TAFA5: variants seen among roughly 807,000 people sequenced by gnomAD.
The protein encoded by TAFA5 is chemokine-like protein TAFA-5.
In TAFA5, 6 loss-of-function variants were observed where a neutral mutation model predicts 15.3. The ratio of observed to expected loss-of-function variants is 0.39; its 90% confidence interval spans 0.21 to 0.77. The LOEUF (loss-of-function observed/expected upper bound fraction) is 0.77. Among genes scored for constraint, TAFA5 ranks in the 30% least tolerant of loss-of-function variants. TAFA5 has a pLI of 0.41. For synonymous variants in TAFA5, 103 were observed against 80.7 expected (o/e 1.28, Z -1.48); for missense variants, 161 against 193.1 (o/e 0.83, Z 0.98).
chr22:48,590,992 C>T (rs1353095939), intron 1 of TAFA5, among the ~76,000 whole-genome samples: 3 of 152,156 alleles, frequency 2.0e-5, no homozygotes, highest in Non-Finnish European at 4.4e-5. Flanking sequence ...GCTGGGATTA[C>T]AGGCGCCCAT....
intron 1 of TAFA5, among the ~76,000 whole-genome samples, chr22:48,591,808 C>T (rs974604667): frequency 6.6e-6 from 1 of 152,162 alleles, no homozygotes; most frequent in Non-Finnish European, 1.5e-5. Flanking sequence ...ACTGGGCTCG[C>T]GGAAGCCCAC....
chr22:48,671,450 C>T (rs1017690243), intron 2 of TAFA5, among the ~76,000 whole-genome samples: 6 of 152,310 alleles, frequency 3.9e-5, no homozygotes, highest in African/African-American at 1.4e-4. Context: ...GCCTGGGGTA[C>T]GTTCCACTCT....
rs182240004 is a variant in TAFA5, at chr22:48,498,405, C to G, written c.112+8701C>G. On this transcript the variant is annotated intron_variant, in intron 1 of 3. Transcript: ENST00000402357. The stretch of plus-strand genomic sequence containing the variant: ...TAAGTCTCCTGGATTCCAAAGATAT[C>G]TTTGGTTCTAACAGTTTGATTAATA... Among the ~76,000 whole-genome samples the G allele has an allele frequency of 5.7e-3, 871 of 152,162 alleles. 2 individuals carry two copies. Among genetic ancestry groups the G allele is most frequent in the Admixed American group, 9.8e-3 (150 of 15,298 alleles).
At chr22:48,554,455 T>G (rs1922960815) in intron 1 of TAFA5, among the ~76,000 whole-genome samples, 1 of 152,198 alleles carries the variant, frequency 6.6e-6, no homozygotes, top group African/African-American at 2.4e-5. Context: ...GTTCCCAACA[T>G]ATTACATTTT....
intron 1 of TAFA5, among the ~76,000 whole-genome samples, chr22:48,583,005 ACAAAATACACCACACACCACATG>A (rs1924141722): frequency 2.7e-5 from 4 of 149,306 alleles, no homozygotes; most frequent in Admixed American, 1.3e-4. Context: ...TAAACCACAC[ACAAAATACACCACACACCACATG>A]CAAAATACAC....
chr22:48,705,791 GCA>G (rs1402754094), intron 2 of TAFA5, among the ~76,000 whole-genome samples: 1 of 152,260 alleles, frequency 6.6e-6, no homozygotes, highest in African/African-American at 2.4e-5. Context: ...ACACATGTGT[GCA>G]CACACGTGCA....
intron 1 of TAFA5, among the ~76,000 whole-genome samples, chr22:48,584,677 C>T (rs1018759164): frequency 6.8e-6 from 1 of 147,924 alleles, no homozygotes; most frequent in African/African-American, 2.5e-5. Flanking sequence ...AAATCACACA[C>T]ACATACACCA....
intron 1 of TAFA5, among the ~76,000 whole-genome samples, chr22:48,612,117 A>G (rs73889172): frequency 0.034 from 5,103 of 152,188 alleles, 294 homozygotes; most frequent in African/African-American, 0.11. Context: ...GGGTGCGTCT[A>G]TGCAGGTGCA....
chr22:48,646,934 G>A (rs946962329), intron 2 of TAFA5, among the ~76,000 whole-genome samples, 188 bp downstream of exon 2: 1 of 152,304 alleles, frequency 6.6e-6, no homozygotes, highest in Admixed American at 6.5e-5. Context: ...GACTGGCTGG[G>A]GTGCAGTCTC....
intron 1 of TAFA5, among the ~76,000 whole-genome samples, chr22:48,561,062 G>A (rs1484217245): frequency 6.6e-6 from 1 of 152,162 alleles, no homozygotes; most frequent in East Asian, 1.9e-4. Flanking sequence ...TGCTCTTCAA[G>A]CTGGGAGGTG....
intron 2 of TAFA5, among the ~76,000 whole-genome samples, chr22:48,678,044 C>T (rs571902002): frequency 9.2e-5 from 14 of 152,272 alleles, no homozygotes; most frequent in Admixed American, 2.6e-4. Context: ...CTATCCCCGC[C>T]CCCGTTGCTC....
intron 2 of TAFA5, among the ~76,000 whole-genome samples, chr22:48,677,658 A>T (rs1218532775): frequency 6.6e-6 from 1 of 152,076 alleles, no homozygotes; most frequent in Non-Finnish European, 1.5e-5. Context: ...CCCACCCCTG[A>T]GCGCCAAGGC....
chr22:48,529,681 G>A (rs1479304515), intron 1 of TAFA5, among the ~76,000 whole-genome samples: 1 of 150,136 alleles, frequency 6.7e-6, no homozygotes, highest in East Asian at 2.0e-4. Flanking sequence ...GCAGGAGATG[G>A]GGGTGTCCAG....
intron 1 of TAFA5, chr22:48,546,854 C>T (rs1456096937): frequency 7.0e-6 from 2 of 285,834 alleles, no homozygotes; most frequent in African/African-American, 2.2e-5. Context: ...GCGGGGAGGA[C>T]GATTGCGGAT....
At chr22:48,572,350 G>A (rs1923619597) in intron 1 of TAFA5, among the ~76,000 whole-genome samples, 1 of 152,232 alleles carries the variant, frequency 6.6e-6, no homozygotes, top group Non-Finnish European at 1.5e-5. Context: ...CCCTGGGAAT[G>A]AGCAAGGTGT....
intron 1 of TAFA5, chr22:48,545,838 CAGA>C (rs904502475): frequency 2.6e-5 from 4 of 152,606 alleles, no homozygotes; most frequent in African/African-American, 9.7e-5. Flanking sequence ...TCTTTGTCAA[CAGA>C]TGCCCCTGGA....
Position 48,489,622 on chromosome 22 carries a change from G to T in TAFA5, c.30G>T (p.Arg10=). The T allele has an allele frequency of 6.6e-7, 1 of 1,508,932 alleles. No homozygotes were observed. Among genetic ancestry groups the T allele is most frequent in the African/African-American group, 1.4e-5 (1 of 69,356 alleles). 93.5% of individuals were successfully genotyped at this position (1,508,932 alleles called of 1,614,324 possible). Residue 10 remains arginine, a synonymous_variant, in exon 1 of 4, where the codon CGG becomes CGT. Transcript: ENST00000402357. The surrounding 1 kb of genome is among the most constrained non-coding windows in gnomAD (Gnocchi z 5.5). MAPSPRTGS[R]QDATALPSMS... ...CGCCATCGCCCAGGACCGGCAGCCG[G>T]CAAGATGCGACCGCCCTGCCCAGCA...
chr22:48,558,495 A>G (rs1325089068), intron 1 of TAFA5, among the ~76,000 whole-genome samples: 1 of 152,172 alleles, frequency 6.6e-6, no homozygotes, highest in Non-Finnish European at 1.5e-5. Flanking sequence ...AAAGCCAATA[A>G]TGAAGTGATT....
chr22:48,651,522 A>G (rs1413490168), intron 2 of TAFA5, among the ~76,000 whole-genome samples: 1 of 152,060 alleles, frequency 6.6e-6, no homozygotes, highest in African/African-American at 2.4e-5. Context: ...GCAGGTGGGC[A>G]CTGCCGGGTT....
Sources: allele counts gnomAD v4.1 joint callset (sites outside exome capture counted in the v4.1 genomes callset), GRCh38; gene constraint gnomAD v4.1.1; non-coding constraint Gnocchi (gnomAD v3.1); transcripts MANE v1.5; gene names NCBI Gene and HGNC (gene_info 2026-07-23, HGNC 2026-07-21).